Variants in GRIA1 observed in about 807,000 individuals in gnomAD.
GRIA1 encodes glutamate receptor 1.
In GRIA1, 31 loss-of-function variants were observed where a neutral mutation model predicts 99.2. The ratio of observed to expected loss-of-function variants is 0.31; its 90% CI spans 0.23 to 0.42. The LOEUF (loss-of-function observed/expected upper bound fraction) is 0.42. Ranked by LOEUF, GRIA1 falls within the 10% of genes least tolerant of loss-of-function variation. The pLI is 1.00. For synonymous variants in GRIA1, 438 were observed against 432.4 expected (o/e 1.01, Z -0.16); for missense variants, 782 against 1,157.5 (o/e 0.68, Z 4.71).
chr5:153,740,936 C>CAA (rs1483084819), intron 11 of GRIA1, among the ~76,000 whole-genome samples: 2 of 143,454 alleles, frequency 1.4e-5, no homozygotes, highest in Non-Finnish European at 3.0e-5. Flanking sequence ...GAAAAGACAA[C>CAA]AAGTCTTGGC....
At chr5:153,542,871 G>A (rs148605454) in intron 2 of GRIA1, among the ~76,000 whole-genome samples, 111 of 151,476 alleles carry the variant, frequency 7.3e-4, no homozygotes, top group African/African-American at 2.4e-3. Context: ...AAACACTTTC[G>A]TCTCTCACTA....
intron 4 of GRIA1, among the ~76,000 whole-genome samples, chr5:153,650,896 TAAAA>T (rs71575151): frequency 2.9e-5 from 2 of 70,128 alleles, no homozygotes; most frequent in African/African-American, 4.8e-5. Context: ...CTGTCTCCAC[TAAAA>T]AAAAAAAAAA....
At chr5:153,585,570 A>G (rs1252367826) in intron 2 of GRIA1, among the ~76,000 whole-genome samples, 1 of 151,888 alleles carries the variant, frequency 6.6e-6, no homozygotes, top group Non-Finnish European at 1.5e-5. Context: ...CGGCCTCCCA[A>G]AGTGCTGGGA....
At chr5:153,686,964 A>G (rs114689747) in intron 8 of GRIA1, among the ~76,000 whole-genome samples, 2,544 of 151,528 alleles carry the variant, frequency 0.017, 73 homozygotes, top group African/African-American at 0.058. Flanking sequence ...TTTGTCTTTC[A>G]CCTCCCTGAA....
chr5:153,776,098 G>A (rs971229809), intron 13 of GRIA1, among the ~76,000 whole-genome samples: 1 of 152,154 alleles, frequency 6.6e-6, no homozygotes, highest in Non-Finnish European at 1.5e-5. Context: ...GGCTCCTGGA[G>A]ATTACCCTGG....
intron 11 of GRIA1, among the ~76,000 whole-genome samples, chr5:153,751,098 C>T (rs1762483157): frequency 6.6e-6 from 1 of 151,518 alleles, no homozygotes; most frequent in Admixed American, 6.6e-5. Context: ...GAGACTCTGT[C>T]AAAAAAAAGA....
chr5:153,687,914 A>G (rs1056059752), intron 8 of GRIA1, among the ~76,000 whole-genome samples: 2 of 152,264 alleles, frequency 1.3e-5, no homozygotes, highest in Non-Finnish European at 2.9e-5. Flanking sequence ...TCTGTAGGTC[A>G]GAAGTCTGAC....
chr5:153,543,977 G>C (rs1422165701), intron 2 of GRIA1, among the ~76,000 whole-genome samples: 1 of 151,946 alleles, frequency 6.6e-6, no homozygotes, highest in Non-Finnish European at 1.5e-5. Context: ...TGTGTATGTT[G>C]GGGGTGGGGT....
intron 4 of GRIA1, among the ~76,000 whole-genome samples, chr5:153,652,328 T>G (rs1303269802): frequency 1.3e-5 from 2 of 152,234 alleles, no homozygotes; most frequent in East Asian, 3.8e-4. Context: ...CAGTAGCTAT[T>G]ACTACTATTT....
intron 2 of GRIA1, among the ~76,000 whole-genome samples, chr5:153,556,279 A>G (rs1342363239): frequency 8.6e-6 from 1 of 116,686 alleles, no homozygotes; most frequent in Non-Finnish European, 2.2e-5. Flanking sequence ...CTATTCTCTC[A>G]TTTAGTTATG....
At chr5:153,522,519 G>A (rs1229251644) in intron 2 of GRIA1, among the ~76,000 whole-genome samples, 2 of 152,112 alleles carry the variant, frequency 1.3e-5, no homozygotes, top group Admixed American at 6.5e-5. Context: ...ACTTCCATGG[G>A]CTAATATAAC....
intron 2 of GRIA1, among the ~76,000 whole-genome samples, chr5:153,589,351 A>T (rs1032525550): frequency 3.9e-5 from 6 of 152,188 alleles, no homozygotes; most frequent in African/African-American, 1.4e-4. Context: ...AATGTGAATT[A>T]ATTTATACAT....
chr5:153,516,683 C>T (rs936759658), intron 2 of GRIA1, among the ~76,000 whole-genome samples: 2 of 152,026 alleles, frequency 1.3e-5, no homozygotes, highest in African/African-American at 2.4e-5. Context: ...AGACAAAAGG[C>T]TGCTGCGTCC....
rs145431676 is a variant in GRIA1, at chr5:153,717,119, C to T, written c.1823+11052C>T. ...GTTATGGTCTTGCTGATCCAAATTA[C>T]AGGCTCTTTTCACTGCCACATGCTG... On this transcript the variant is annotated intron_variant, in intron 11 of 15. Transcript: ENST00000285900. Among the ~76,000 whole-genome samples the T allele has an allele frequency of 2.0e-4, 30 of 152,276 alleles. No homozygotes were observed. In the East Asian group the frequency reaches 5.4e-3, roughly 27 times the overall value.
At chr5:153,602,915 G>A (rs1765113374) in intron 2 of GRIA1, among the ~76,000 whole-genome samples, 1 of 152,064 alleles carries the variant, frequency 6.6e-6, no homozygotes, top group Non-Finnish European at 1.5e-5. Flanking sequence ...TTGTCTTCAG[G>A]CTGGTAAACT....
chr5:153,550,247 G>A (rs1246059660), intron 2 of GRIA1, among the ~76,000 whole-genome samples: 1 of 151,850 alleles, frequency 6.6e-6, no homozygotes, highest in Non-Finnish European at 1.5e-5. Flanking sequence ...CCAGGGAGTC[G>A]AGTCCACTGT....
intron 11 of GRIA1, among the ~76,000 whole-genome samples, chr5:153,724,342 C>T (rs1031444724): frequency 2.0e-5 from 3 of 152,042 alleles, no homozygotes; most frequent in Non-Finnish European, 4.4e-5. Flanking sequence ...CAGAGCACCT[C>T]TCCTCCTCCA....
chr5:153,566,495 G>A (rs1761639476), intron 2 of GRIA1, among the ~76,000 whole-genome samples: 1 of 149,702 alleles, frequency 6.7e-6, no homozygotes, highest in African/African-American at 2.4e-5. Flanking sequence ...TAGTAGAGAT[G>A]GGGTTTCACC....
intron 13 of GRIA1, among the ~76,000 whole-genome samples, chr5:153,778,651 CCACACACACACA>C (rs57534899): frequency 1.4e-5 from 2 of 147,288 alleles, no homozygotes; most frequent in Non-Finnish European, 1.5e-5. Context: ...TCACCCCCCA[CCACACACACACA>C]CACACACACA....
Sources: allele counts gnomAD v4.1 joint callset (sites outside exome capture counted in the v4.1 genomes callset), GRCh38; gene constraint gnomAD v4.1.1; transcripts MANE v1.5; gene names NCBI Gene and HGNC (gene_info 2026-07-23, HGNC 2026-07-21).